FAF1: variants seen among roughly 807,000 people sequenced by gnomAD.
FAF1 encodes FAS-associated factor 1.
In FAF1, 25 loss-of-function variants were observed where a neutral mutation model predicts 92.5. The observed-to-expected ratio is 0.27, with a 90% CI of 0.20 to 0.38. The LOEUF is 0.38. Ranked by LOEUF, FAF1 falls within the 10% of genes least tolerant of loss-of-function variation. The probability of loss-of-function intolerance (pLI) is 1.00; values close to 1 mark genes in which losing one functional copy is unlikely to be tolerated. For missense variants in FAF1, 636 were observed against 793.3 expected (o/e 0.80, Z 2.38); for synonymous variants, 234 against 273.2 (o/e 0.86, Z 1.42).
intron 7 of FAF1, among the ~76,000 whole-genome samples, chr1:50,688,533 C>G (rs1656773415): frequency 1.3e-5 from 2 of 152,160 alleles, no homozygotes; most frequent in Non-Finnish European, 2.9e-5. Context: ...AAAATTCCGG[C>G]CAGGCGCGGT....
intron 6 of FAF1, among the ~76,000 whole-genome samples, chr1:50,729,058 A>ATATGTAT (rs1375923156): frequency 6.7e-4 from 47 of 70,116 alleles, no homozygotes; most frequent in African/African-American, 2.7e-3. Flanking sequence ...ATATATATAT[A>ATATGTAT]TTTTTTTTTT....
intron 1 of FAF1, among the ~76,000 whole-genome samples, chr1:50,941,755 T>C (rs1455846678): frequency 6.6e-6 from 1 of 152,158 alleles, no homozygotes. Flanking sequence ...AGAAGGGAAA[T>C]ATGTTCCCTC....
At chr1:50,841,188 C>T (rs1019153999) in intron 2 of FAF1, among the ~76,000 whole-genome samples, 15 of 151,960 alleles carry the variant, frequency 9.9e-5, no homozygotes, top group African/African-American at 7.2e-5. Flanking sequence ...CACATGATAA[C>T]GAATGAAAAA....
At chr1:50,873,195 G>A (rs988234553) in intron 1 of FAF1, among the ~76,000 whole-genome samples, 3 of 152,108 alleles carry the variant, frequency 2.0e-5, no homozygotes, top group Non-Finnish European at 4.4e-5. Flanking sequence ...AAGACATAAT[G>A]CTACTGCACA....
chr1:50,635,091 G>A lies in FAF1; in HGVS notation c.744+20351C>T, dbSNP rs190976463. On this transcript the variant is annotated intron_variant, in intron 8 of 18. Transcript: ENST00000396153. ...ACTCATCTACACTTTAAGTAACTGT[G>A]AGCACCAAAATAGAGTACTACTGCT... 2.6e-5 allele frequency among the ~76,000 whole-genome samples: 4 copies of A among 152,182 alleles called. No homozygotes were observed. The East Asian group carries it at 7.7e-4, about 29-fold the overall frequency.
intron 3 of FAF1, among the ~76,000 whole-genome samples, chr1:50,796,024 GA>G (rs1661735039): frequency 1.3e-5 from 2 of 151,240 alleles, no homozygotes; most frequent in Admixed American, 1.3e-4. Flanking sequence ...AAATGAAGGT[GA>G]AAGATGCTTC....
At chr1:50,915,302 G>A (rs923082867) in intron 1 of FAF1, among the ~76,000 whole-genome samples, 8 of 151,452 alleles carry the variant, frequency 5.3e-5, no homozygotes, top group South Asian at 2.1e-4. Context: ...CCTGGGAGGC[G>A]GAGGTTGCAG....
intron 18 of FAF1, among the ~76,000 whole-genome samples, chr1:50,447,327 G>A (rs1381731824): frequency 3.3e-5 from 5 of 151,948 alleles, no homozygotes; most frequent in East Asian, 1.9e-4. Context: ...GGGTTTCACC[G>A]TGTTAGCCAG....
At chr1:50,679,740 T>C (rs1656339970) in intron 7 of FAF1, among the ~76,000 whole-genome samples, 1 of 152,140 alleles carries the variant, frequency 6.6e-6, no homozygotes, top group African/African-American at 2.4e-5. Context: ...AAAATGAAAA[T>C]ATTGGTAACT....
Position 50,438,083 on chromosome 1 carries a change from T to C in FAF1, c.*3357A>G, listed in dbSNP as rs1231677513. Reference sequence around the variant, plus strand: ...TCTTTGTAGACAAGCAGTGGAAAATTAGAGTTAGCACTTTAAGTCCTGACC... The same window carrying C: ...TCTTTGTAGACAAGCAGTGGAAAATCAGAGTTAGCACTTTAAGTCCTGACC... On this transcript the variant is annotated 3_prime_UTR_variant, in exon 19 of 19. Transcript: ENST00000396153. 1 of 146,232 alleles carries C rather than the reference T, an allele frequency of 6.8e-6. No homozygotes were observed. The highest frequency in any genetic ancestry group is 2.0e-4 in the East Asian group (1 of 5,050). The allele number at this position is 146,232 out of a possible 1,614,324, so 9.1% of individuals were successfully genotyped here. A position where few individuals can be genotyped will look rare whatever the true frequency, so the allele number is the denominator to read the frequency against.
intron 6 of FAF1, among the ~76,000 whole-genome samples, chr1:50,714,842 C>A (rs916708807): frequency 3.3e-5 from 5 of 152,176 alleles, no homozygotes; most frequent in African/African-American, 1.2e-4. Flanking sequence ...AGCCCCTGGG[C>A]AGACAGACAC....
intron 2 of FAF1, among the ~76,000 whole-genome samples, chr1:50,857,686 A>G (rs987543632): frequency 6.6e-6 from 1 of 151,876 alleles, no homozygotes; most frequent in African/African-American, 2.4e-5. Context: ...AAGATGAACC[A>G]TAACACACAG....
At chr1:50,560,261 G>C (rs745760672) in intron 13 of FAF1, among the ~76,000 whole-genome samples, 20 of 152,292 alleles carry the variant, frequency 1.3e-4, no homozygotes, top group Non-Finnish European at 2.5e-4. Context: ...CTGATAATAA[G>C]TGCTTTAAGT....
intron 1 of FAF1, among the ~76,000 whole-genome samples, chr1:50,866,549 A>T (rs1424822810): frequency 6.6e-6 from 1 of 152,122 alleles, no homozygotes; most frequent in East Asian, 1.9e-4. Flanking sequence ...ACCAACAGTG[A>T]TCAAGCTGAG....
Position 50,482,979 on chromosome 1 carries a change from C to T in FAF1, c.1654-7300G>A, listed in dbSNP as rs1306340013. Among the ~76,000 whole-genome samples, 11 of 152,152 alleles carry T rather than the reference C, an allele frequency of 7.2e-5. No homozygotes were observed. The East Asian group carries it at 2.1e-3, about 29-fold the overall frequency. ...TTTATAAATAGTACAAGTTTCTAAT[C>T]TTGATAAAGTCTAATTTACATATTT... On this transcript the variant is annotated intron_variant, in intron 17 of 18. Transcript: ENST00000396153.
At position 50,502,741 on chromosome 1, in the gene FAF1, T is replaced by C. The variant is rs1432427166; in HGVS notation, c.1495-10940A>G. ...AGCTGAATATTCAAGCTTTCTTAGG[T>C]GTATGTGTGCATGATGGGCTACTCA... On this transcript the variant is annotated intron_variant, in intron 15 of 18. Coordinates refer to ENST00000396153, the MANE Select transcript of FAF1 (RefSeq NM_007051.3). Among the ~76,000 whole-genome samples the C allele has an allele frequency of 3.3e-4, 50 of 152,098 alleles. 1 individual carries two copies. Among genetic ancestry groups the C allele is most frequent in the Admixed American group, 3.3e-3 (50 of 15,272 alleles).
At chr1:50,504,409 T>C (rs1031106214) in intron 15 of FAF1, among the ~76,000 whole-genome samples, 1 of 150,962 alleles carries the variant, frequency 6.6e-6, no homozygotes, top group African/African-American at 2.4e-5. Flanking sequence ...AAGGGAGAAT[T>C]AATGAAATGT....
intron 1 of FAF1, among the ~76,000 whole-genome samples, chr1:50,904,171 AGAGT>A (rs1644817611): frequency 6.6e-6 from 1 of 152,330 alleles, no homozygotes; most frequent in South Asian, 2.1e-4. Context: ...TACATACAAG[AGAGT>A]ATTATTCAGC....
chr1:50,568,919 C>A (rs923280001), intron 12 of FAF1, among the ~76,000 whole-genome samples: 4 of 152,152 alleles, frequency 2.6e-5, no homozygotes, highest in African/African-American at 7.2e-5. Flanking sequence ...AGTAGCTCAG[C>A]TGATCCCACC....
Sources: gnomAD v4.1 joint callset for allele counts (sites outside exome capture counted in the v4.1 genomes callset) on GRCh38, gnomAD v4.1.1 for gene constraint, MANE v1.5 for transcripts, NCBI Gene and HGNC (gene_info 2026-07-23, HGNC 2026-07-21) for gene names.